Variants in OSBPL6 observed in about 807,000 individuals in gnomAD.
OSBPL6 encodes the protein oxysterol binding protein like 6, also known as oxysterol-binding protein-related protein 6.
A neutral mutation model predicts 125.8 loss-of-function variants in OSBPL6; 49 were observed. The ratio of observed to expected loss-of-function variants is 0.39; its 90% confidence interval spans 0.31 to 0.49. The LOEUF (loss-of-function observed/expected upper bound fraction) is 0.49. Among genes scored for constraint, OSBPL6 ranks in the 20% least tolerant of loss-of-function variants. The pLI, the probability that OSBPL6 is intolerant of heterozygous loss-of-function variation, is 0.88. For missense variants in OSBPL6, 986 were observed against 1,135.4 expected, an observed-to-expected ratio of 0.87 and a Z score of 1.89; for synonymous variants, 394 against 391.8, an observed-to-expected ratio of 1.01 and a Z score of -0.07.
At chr2:178,358,540 T>C (rs563966855) in intron 12 of OSBPL6, among the ~76,000 whole-genome samples, 1 of 152,154 alleles carries the variant, frequency 6.6e-6, no homozygotes, top group South Asian at 2.1e-4. Context: ...AAAACCAGAT[T>C]TCCACATGTA....
chr2:178,195,839 T>G (rs959438421), intron 1 of OSBPL6, among the ~76,000 whole-genome samples: 3 of 152,220 alleles, frequency 2.0e-5, no homozygotes, highest in African/African-American at 7.2e-5. Context: ...CTTGGACATC[T>G]TTTCTTAAAT....
At chr2:178,289,507 T>C (rs76441186) in intron 2 of OSBPL6, among the ~76,000 whole-genome samples, 2,027 of 152,330 alleles carry the variant, frequency 0.013, 31 homozygotes, top group East Asian at 0.067. Context: ...AGTAGGCATA[T>C]TTTAATATGC....
At chr2:178,375,875 C>A (rs1367491767) in intron 15 of OSBPL6, among the ~76,000 whole-genome samples, 1 of 152,140 alleles carries the variant, frequency 6.6e-6, no homozygotes, top group Non-Finnish European at 1.5e-5. Flanking sequence ...TACTGCTTGC[C>A]CTGGACACTG....
chr2:178,206,675 C>T (rs2089548840), intron 1 of OSBPL6, among the ~76,000 whole-genome samples: 1 of 152,098 alleles, frequency 6.6e-6, no homozygotes, highest in Admixed American at 6.6e-5. Flanking sequence ...AGTTCAGTGG[C>T]ACGATCTCGG....
chr2:178,298,710 T>G (rs1025444240), intron 2 of OSBPL6, among the ~76,000 whole-genome samples: 6 of 151,440 alleles, frequency 4.0e-5, no homozygotes, highest in East Asian at 1.9e-4. Flanking sequence ...TTTTTTGTTT[T>G]TTTTTTTTTG....
rs1008027598 is a variant in OSBPL6, at chr2:178,369,901, G to C, written c.1288-2225G>C. 2.0e-5 allele frequency among the ~76,000 whole-genome samples: 3 copies of C among 152,298 alleles called. No individual in the cohort carries two copies. In the East Asian group the frequency reaches 5.8e-4, roughly 29 times the overall value. On this transcript the variant is annotated intron_variant, in intron 13 of 24. Transcript: ENST00000190611. The stretch of plus-strand genomic sequence containing the variant: ...GGGTTGTTTTGTTAACACTCTCACA[G>C]TGGCAACAGAAGGTATAGCTACTTT...
At chr2:178,361,372 A>G (rs1447806659) in intron 12 of OSBPL6, among the ~76,000 whole-genome samples, 1 of 152,190 alleles carries the variant, frequency 6.6e-6, no homozygotes, top group Non-Finnish European at 1.5e-5. Context: ...CTTTCTAGGG[A>G]TTATAAGTTA....
At chr2:178,341,238 G>A (rs1690163116) in intron 11 of OSBPL6, among the ~76,000 whole-genome samples, 1 of 151,682 alleles carries the variant, frequency 6.6e-6, no homozygotes, top group African/African-American at 2.4e-5. Flanking sequence ...GTTCAGAGCT[G>A]TTGTCTTGGA....
At chr2:178,205,210 A>T (rs2089467065) in intron 1 of OSBPL6, among the ~76,000 whole-genome samples, 2 of 152,208 alleles carry the variant, frequency 1.3e-5, no homozygotes, top group Non-Finnish European at 2.9e-5. Context: ...GCTGGGGGGA[A>T]TTGAGAGTGC....
At chr2:178,259,955 G>C (rs1439646476) in intron 1 of OSBPL6, among the ~76,000 whole-genome samples, 1 of 152,072 alleles carries the variant, frequency 6.6e-6, no homozygotes, top group Non-Finnish European at 1.5e-5. Flanking sequence ...GACTGGCCTT[G>C]GTAATTACCA....
chr2:178,303,380 T>C (rs1031992269), intron 2 of OSBPL6, among the ~76,000 whole-genome samples: 4 of 152,160 alleles, frequency 2.6e-5, no homozygotes, highest in Non-Finnish European at 5.9e-5. Context: ...TTTACAAAAA[T>C]TCCCCCTGTA....
Position 178,332,854 on chromosome 2 carries a change from C to T in OSBPL6, c.487-17C>T, listed in dbSNP as rs1199179435. 2 of 1,609,142 alleles carry T rather than the reference C, an allele frequency of 1.2e-6. No individual in the cohort carries two copies. Among genetic ancestry groups the T allele is most frequent in the South Asian group, 2.2e-5 (2 of 90,864 alleles). On this transcript the variant is annotated splice_polypyrimidine_tract_variant and intron_variant, in intron 7 of 24. Coordinates refer to ENST00000190611, the MANE Select transcript of OSBPL6 (RefSeq NM_032523.4). ...AGTTATTTTACAATTACTTTCTCCT[C>T]TCGTTCATTGTTTTAGGTGAAATCC... is the stretch of plus-strand genomic sequence containing the variant.
intron 21 of OSBPL6, 103 bp downstream of exon 21, chr2:178,389,256 A>G (rs1306443099): frequency 2.6e-6 from 3 of 1,137,810 alleles, no homozygotes; most frequent in Admixed American, 2.4e-5. Context: ...TCTGTCCTGT[A>G]TCATTGGTCC....
At chr2:178,273,151 G>T (rs748269187) in intron 1 of OSBPL6, among the ~76,000 whole-genome samples, 10 of 152,164 alleles carry the variant, frequency 6.6e-5, no homozygotes, top group Admixed American at 6.6e-4. Flanking sequence ...ATTGCAAGAC[G>T]TTTCATTTGC....
intron 15 of OSBPL6, among the ~76,000 whole-genome samples, chr2:178,378,843 A>G (rs977020910): frequency 6.6e-6 from 1 of 152,218 alleles, no homozygotes; most frequent in Non-Finnish European, 1.5e-5. Flanking sequence ...GATCATTTCT[A>G]TGATATATTA....
chr2:178,327,927 G>T (rs1688840981), intron 4 of OSBPL6, among the ~76,000 whole-genome samples: 1 of 152,150 alleles, frequency 6.6e-6, no homozygotes, highest in Admixed American at 6.5e-5. Flanking sequence ...AAGTGCCTCT[G>T]TGTTCAGGGA....
chr2:178,374,073 A>G, intron 15 of OSBPL6, 46 bp downstream of exon 15: 1 of 1,588,846 alleles, frequency 6.3e-7, no homozygotes, highest in Non-Finnish European at 8.6e-7. Flanking sequence ...CTTGTGACTG[A>G]GTTTGAGTTA....
At chr2:178,283,447 G>T (rs1684406818) in intron 1 of OSBPL6, among the ~76,000 whole-genome samples, 1 of 152,052 alleles carries the variant, frequency 6.6e-6, no homozygotes, top group African/African-American at 2.4e-5. Flanking sequence ...TCAAACCCAG[G>T]GAGTGATTTT....
At chr2:178,362,837 C>G (rs1187593992) in intron 13 of OSBPL6, among the ~76,000 whole-genome samples, 1 of 152,150 alleles carries the variant, frequency 6.6e-6, no homozygotes, top group African/African-American at 2.4e-5. Flanking sequence ...ATGCTGCTTC[C>G]AGTATAAAGC....
Sources: gnomAD v4.1 joint callset for allele counts (sites outside exome capture counted in the v4.1 genomes callset) on GRCh38, gnomAD v4.1.1 for gene constraint, MANE v1.5 for transcripts, NCBI Gene and HGNC (gene_info 2026-07-23, HGNC 2026-07-21) for gene names.